HCN1: variants seen among roughly 807,000 people sequenced by gnomAD.
HCN1 encodes potassium/sodium hyperpolarization-activated cyclic nucleotide-gated channel 1.
HCN1 carries 13 observed loss-of-function variants against 78.9 expected under a neutral mutation model. The observed-to-expected ratio is 0.16, with a 90% CI of 0.11 to 0.26. The LOEUF (loss-of-function observed/expected upper bound fraction) is 0.26, where lower values mean the gene tolerates loss of function less well. Among genes scored for constraint, HCN1 ranks in the 10% least tolerant of loss-of-function variants. The pLI is 1.00. For synonymous variants in HCN1, 552 were observed against 455.5 expected (o/e 1.21, Z -2.70); for missense variants, 810 against 1,154.3 (o/e 0.70, Z 4.32).
intron 2 of HCN1, among the ~76,000 whole-genome samples, chr5:45,526,945 G>A (rs563099933): frequency 6.7e-6 from 1 of 149,880 alleles, no homozygotes; most frequent in African/African-American, 2.5e-5. Context: ...GGAAAGGGAA[G>A]CCAATTAAAA....
intron 5 of HCN1, among the ~76,000 whole-genome samples, chr5:45,306,672 TA>T (rs1745740649): frequency 6.6e-6 from 1 of 152,070 alleles, no homozygotes; most frequent in African/African-American, 2.4e-5. Flanking sequence ...AGCAAAACTT[TA>T]AAAAAATATT....
At chr5:45,326,227 C>A (rs564681130) in intron 5 of HCN1, among the ~76,000 whole-genome samples, 171 of 151,758 alleles carry the variant, frequency 1.1e-3, no homozygotes, top group African/African-American at 4.0e-3. Context: ...TACATACCCA[C>A]ATAAATTTTT....
chr5:45,618,722 G>A lies in HCN1; in HGVS notation c.849+26463C>T, dbSNP rs934817264. On this transcript the variant is annotated intron_variant, in intron 2 of 7. Coordinates refer to ENST00000303230, the MANE Select transcript of HCN1 (RefSeq NM_021072.4). ...AGAACAAATTCCATATTATATTTAG[G>A]AAGTAAAATAATCAGGACTTAATAA... Among the ~76,000 whole-genome samples, 3 of 151,984 alleles carry A rather than the reference G, an allele frequency of 2.0e-5. 1 individual carries two copies. The South Asian group carries it at 6.2e-4, about 31-fold the overall frequency.
chr5:45,303,916 A>G (rs990553792), intron 5 of HCN1, 77 bp from the exon 6 acceptor site: 1 of 1,246,948 alleles, frequency 8.0e-7, no homozygotes, highest in Non-Finnish European at 1.2e-6. Flanking sequence ...GAAATTTAAA[A>G]TATATACAGC....
intron 1 of HCN1, among the ~76,000 whole-genome samples, chr5:45,692,840 AC>A (rs1739940079): frequency 1.3e-5 from 2 of 152,288 alleles, no homozygotes; most frequent in South Asian, 4.1e-4. Context: ...TGTTAAAGTC[AC>A]GACATGCCCT....
intron 4 of HCN1, among the ~76,000 whole-genome samples, chr5:45,368,964 C>T (rs1380469000): frequency 6.6e-6 from 1 of 151,548 alleles, no homozygotes; most frequent in Admixed American, 6.6e-5. Context: ...CAAAAGTTCC[C>T]TCATTCACCT....
At chr5:45,310,560 C>A (rs1266232805) in intron 5 of HCN1, among the ~76,000 whole-genome samples, 1 of 151,974 alleles carries the variant, frequency 6.6e-6, no homozygotes, top group Non-Finnish European at 1.5e-5. Context: ...TTTATACACC[C>A]TTGATGGGAG....
chr5:45,512,691 G>T (rs973951972), intron 2 of HCN1, among the ~76,000 whole-genome samples: 1 of 152,022 alleles, frequency 6.6e-6, no homozygotes, highest in African/African-American at 2.4e-5. Context: ...TTCCACAGTA[G>T]CCACGGTTAC....
chr5:45,523,065 G>A lies in HCN1; in HGVS notation c.850-61058C>T, dbSNP rs1276534542. Among the ~76,000 whole-genome samples, 5 of 149,524 alleles carry A rather than the reference G, an allele frequency of 3.3e-5. No homozygotes were observed. In the Admixed American group the frequency reaches 3.4e-4, roughly 10 times the overall value. The stretch of plus-strand genomic sequence containing the variant: ...GATGTTCCCCTTCCTGTGTCCATGT[G>A]TTCTCATTGTTCAATTCCCACCTAT... On this transcript the variant is annotated intron_variant, in intron 2 of 7. Coordinates refer to ENST00000303230, the MANE Select transcript of HCN1 (RefSeq NM_021072.4).
intron 2 of HCN1, among the ~76,000 whole-genome samples, chr5:45,607,324 T>C (rs1377243450): frequency 6.6e-6 from 1 of 151,730 alleles, no homozygotes; most frequent in Admixed American, 6.6e-5. Context: ...GTGGTTCTTA[T>C]AGTCTTGATT....
intron 2 of HCN1, among the ~76,000 whole-genome samples, chr5:45,563,086 G>A (rs1194211953): frequency 6.6e-6 from 1 of 152,100 alleles, no homozygotes; most frequent in Non-Finnish European, 1.5e-5. Context: ...TAAACCTAAG[G>A]TAAATTTAAC....
intron 2 of HCN1, among the ~76,000 whole-genome samples, chr5:45,581,216 T>TA (rs1161686706): frequency 6.6e-6 from 1 of 152,218 alleles, no homozygotes; most frequent in Non-Finnish European, 1.5e-5. Context: ...CCTGACTTTT[T>TA]AATGATTGCC....
At chr5:45,582,397 C>T (rs1382662607) in intron 2 of HCN1, among the ~76,000 whole-genome samples, 59 of 152,060 alleles carry the variant, frequency 3.9e-4, no homozygotes, top group Non-Finnish European at 7.1e-4. Flanking sequence ...CTGAAGTTGC[C>T]TATCACCTTA....
chr5:45,560,136 T>C (rs1743565003), intron 2 of HCN1: 1 of 152,158 alleles, frequency 6.6e-6, no homozygotes, highest in Non-Finnish European at 1.5e-5. Flanking sequence ...TACAAATTGG[T>C]TTTATAGAAA....
rs981261210 is a variant in HCN1, at chr5:45,256,393, A to G, written c.*5528T>C. 2 of 140,960 alleles carry G rather than the reference A, an allele frequency of 1.4e-5. No homozygotes were observed. The highest frequency in any genetic ancestry group is 4.1e-4 in the East Asian group (2 of 4,930). The allele number at this position is 140,960 out of a possible 1,614,324, so 8.7% of individuals were successfully genotyped here. A position where few individuals can be genotyped will look rare whatever the true frequency, so the allele number is the denominator to read the frequency against. On this transcript the variant is annotated 3_prime_UTR_variant, in exon 8 of 8. Coordinates refer to ENST00000303230, the MANE Select transcript of HCN1 (RefSeq NM_021072.4). ...ATCTTAAAAAAAAAAAAAAAAAAAG[A>G]TGTTTCCCTTTGGGAGTAAATGGCC... is the stretch of plus-strand genomic sequence containing the variant.
At chr5:45,682,291 A>ATATATATATATATG (rs1739719814) in intron 1 of HCN1, among the ~76,000 whole-genome samples, 1 of 44,110 alleles carries the variant, frequency 2.3e-5, no homozygotes, top group African/African-American at 1.3e-4. Context: ...ATATATATAC[A>ATATATATATATATG]CATATATATA....
intron 6 of HCN1, among the ~76,000 whole-genome samples, chr5:45,291,199 C>T (rs1239714759): frequency 6.6e-6 from 1 of 152,018 alleles, no homozygotes; most frequent in South Asian, 2.1e-4. Context: ...TACTTCTCTA[C>T]CTCCAATAAC....
chr5:45,333,162 T>A (rs559157150), intron 5 of HCN1, among the ~76,000 whole-genome samples: 1 of 151,648 alleles, frequency 6.6e-6, no homozygotes. Flanking sequence ...TTATTGCCTG[T>A]CTTTTGGATA....
At chr5:45,494,339 C>A (rs1420461111) in intron 2 of HCN1, among the ~76,000 whole-genome samples, 2 of 152,204 alleles carry the variant, frequency 1.3e-5, no homozygotes, top group South Asian at 2.1e-4. Context: ...ATTTGCATTT[C>A]TCTGATGGCC....
Sources: allele counts gnomAD v4.1 joint callset (sites outside exome capture counted in the v4.1 genomes callset), GRCh38; gene constraint gnomAD v4.1.1; transcripts MANE v1.5; gene names NCBI Gene and HGNC (gene_info 2026-07-23, HGNC 2026-07-21).